SPSB4: variants seen among roughly 807,000 people sequenced by gnomAD.
SPSB4 encodes the protein splA/ryanodine receptor domain and SOCS box containing 4.
Under a neutral mutation model 20.9 loss-of-function variants are expected in SPSB4, and 21 were observed. The observed-to-expected ratio is 1.01, with a 90% confidence interval of 0.71 to 1.45. The LOEUF (loss-of-function observed/expected upper bound fraction) is 1.45, where lower values mean the gene tolerates loss of function less well. SPSB4 is among the 40% of genes most tolerant of loss of function. The pLI is 0.00. For missense variants in SPSB4, 399 were observed against 399.2 expected (o/e 1.00, Z 0.00); for synonymous variants, 207 against 183.8 (o/e 1.13, Z -1.02).
In SPSB4 at chr3:141,051,420, AGGC is replaced by A; in HGVS notation, c.-716_-714del. 6 of 155,476 alleles carry A rather than the reference AGGC, an allele frequency of 3.9e-5. No homozygotes were observed. The highest frequency in any genetic ancestry group is 7.1e-5 in the Non-Finnish European group (5 of 70,846). 9.6% of individuals were successfully genotyped at this position (155,476 alleles called of 1,614,324 possible). ...CGGGCGGCGGCGGCGGAGGAGGGGG[AGGC>A]GGCGGCGGCTGCAGCATCCAGAGCT... On this transcript the variant is annotated 5_prime_UTR_variant, in exon 1 of 3. Transcript: ENST00000310546.
intron 2 of SPSB4, among the ~76,000 whole-genome samples, chr3:141,126,823 T>C (rs1939056439): frequency 6.6e-6 from 1 of 152,196 alleles, no homozygotes; most frequent in African/African-American, 2.4e-5. Flanking sequence ...GATAGATTAG[T>C]AGTGGATCTG....
At chr3:141,145,681 G>T (rs1330407996) in intron 2 of SPSB4, among the ~76,000 whole-genome samples, 1 of 152,070 alleles carries the variant, frequency 6.6e-6, no homozygotes, top group Non-Finnish European at 1.5e-5. Flanking sequence ...TAAGATGCAG[G>T]TTCAGGCTTC....
chr3:141,099,971 T>G (rs1938591987), intron 2 of SPSB4, among the ~76,000 whole-genome samples: 1 of 152,188 alleles, frequency 6.6e-6, no homozygotes, highest in Non-Finnish European at 1.5e-5. Context: ...AGCCACAGTT[T>G]TGTGATAGTG....
chr3:141,113,581 A>G (rs1445953919), intron 2 of SPSB4, among the ~76,000 whole-genome samples: 2 of 152,246 alleles, frequency 1.3e-5, no homozygotes, highest in Non-Finnish European at 2.9e-5. Context: ...ATAATATTCC[A>G]TATTCATATT....
chr3:141,074,738 C>G (rs1938072105), intron 2 of SPSB4, among the ~76,000 whole-genome samples: 2 of 152,350 alleles, frequency 1.3e-5, no homozygotes, highest in East Asian at 1.9e-4. Context: ...TGTGTGCAGG[C>G]AGACATTCAG....
chr3:141,087,083 A>C (rs1372058565), intron 2 of SPSB4, among the ~76,000 whole-genome samples: 1 of 152,210 alleles, frequency 6.6e-6, no homozygotes, highest in Non-Finnish European at 1.5e-5. Context: ...CACAGCACAG[A>C]GGACTAGGGC....
chr3:141,110,805 G>A (rs948025956), intron 2 of SPSB4, among the ~76,000 whole-genome samples: 1 of 152,226 alleles, frequency 6.6e-6, no homozygotes, highest in Admixed American at 6.5e-5. Context: ...GAGTAGGGAA[G>A]GATAAGCTGA....
At chr3:141,128,551 C>T (rs1939085670) in intron 2 of SPSB4, among the ~76,000 whole-genome samples, 1 of 152,124 alleles carries the variant, frequency 6.6e-6, no homozygotes, top group Admixed American at 6.5e-5. Context: ...GCCTCCAGGC[C>T]TGAGTGAGCA....
intron 2 of SPSB4, among the ~76,000 whole-genome samples, chr3:141,089,897 C>CT (rs1477800304): frequency 3.3e-5 from 5 of 152,204 alleles, no homozygotes; most frequent in East Asian, 1.9e-4. Flanking sequence ...TTTAGAATTG[C>CT]TTTTTTTGTT....
intron 2 of SPSB4, among the ~76,000 whole-genome samples, chr3:141,136,891 C>A (rs1939238602): frequency 1.3e-5 from 2 of 152,240 alleles, no homozygotes; most frequent in South Asian, 4.2e-4. Context: ...TCATTGGTAG[C>A]TTGATGGGGA....
intron 2 of SPSB4, among the ~76,000 whole-genome samples, chr3:141,116,166 T>C (rs752787893): frequency 6.6e-6 from 1 of 152,146 alleles, no homozygotes; most frequent in Non-Finnish European, 1.5e-5. Context: ...TCAGTGGTTG[T>C]GAGGAGCACA....
intron 1 of SPSB4, among the ~76,000 whole-genome samples, chr3:141,064,801 G>A (rs902401707): frequency 7.9e-5 from 12 of 152,214 alleles, no homozygotes; most frequent in African/African-American, 1.9e-4. Context: ...CCCAGGGCCC[G>A]TCCAAGTAGT....
chr3:141,069,502 C>T (rs1937953402), intron 2 of SPSB4, among the ~76,000 whole-genome samples: 2 of 152,170 alleles, frequency 1.3e-5, no homozygotes, highest in Admixed American at 1.3e-4. Context: ...CAAACTCAGA[C>T]TTGATTGGTG....
chr3:141,129,659 GC>G (rs1196197401), intron 2 of SPSB4, among the ~76,000 whole-genome samples: 2 of 152,176 alleles, frequency 1.3e-5, no homozygotes, highest in African/African-American at 4.8e-5. Flanking sequence ...CAGTGTGTGG[GC>G]CCAGGCTGCC....
rs566762710 is a variant in SPSB4 at position 141,147,610 on chromosome 3, A to G, written c.*341A>G. The stretch of plus-strand genomic sequence containing the variant: ...TGTTTCCTTATTCAAGAGAATGAAT[A>G]AAACATTTAGGCAGGAGACTTTCTA... On this transcript the variant is annotated 3_prime_UTR_variant, in exon 3 of 3. Coordinates refer to ENST00000310546, the MANE Select transcript of SPSB4 (RefSeq NM_080862.3). 21 of 227,626 alleles carry G rather than the reference A, an allele frequency of 9.2e-5. No homozygotes were observed. In the East Asian group the frequency reaches 1.6e-3, roughly 18 times the overall value. The allele number at this position is 227,626 out of a possible 1,614,324, so 14.1% of individuals were successfully genotyped here.
intron 2 of SPSB4, chr3:141,077,497 G>A (rs909447120): frequency 4.6e-5 from 7 of 152,378 alleles, no homozygotes; most frequent in Non-Finnish European, 8.8e-5. Flanking sequence ...CTTCTGAGTC[G>A]ATCCAGGGAG....
chr3:141,123,583 A>G (rs955023238), intron 2 of SPSB4, among the ~76,000 whole-genome samples: 1 of 152,202 alleles, frequency 6.6e-6, no homozygotes, highest in African/African-American at 2.4e-5. Flanking sequence ...TTAGAAGGAG[A>G]TGCCACGGGG....
chr3:141,110,786 AC>A (rs1938784151), intron 2 of SPSB4, among the ~76,000 whole-genome samples: 2 of 152,202 alleles, frequency 1.3e-5, no homozygotes. Context: ...GCCACACCTA[AC>A]TTCAAGTGAG....
In SPSB4 at chr3:141,066,592, C is replaced by T. The variant is rs2107779307; in HGVS notation, c.488C>T (p.Ala163Val). ...AACCAGCCCGGCGTGGCCTACCCGG[C>T]CTTTCTGGGGCCCGACGAGGCCTTT... ...GKNQPGVAYPAFLGPDEAFAL... is the reference protein window; with the variant it reads ...GKNQPGVAYPVFLGPDEAFAL... The change falls in exon 2 of 3, where the codon GCC (alanine) becomes GTC (valine). Residue 163 changes from alanine (A) to valine (V), a missense_variant. Coordinates refer to ENST00000310546, the MANE Select transcript of SPSB4 (RefSeq NM_080862.3). The T allele has an allele frequency of 1.3e-6, 2 of 1,572,480 alleles. No individual in the cohort carries two copies. Among genetic ancestry groups the T allele is most frequent in the Non-Finnish European group, 1.7e-6 (2 of 1,159,488 alleles).
Sources: gnomAD v4.1 joint callset for allele counts (sites outside exome capture counted in the v4.1 genomes callset) on GRCh38, gnomAD v4.1.1 for gene constraint, MANE v1.5 for transcripts, NCBI Gene and HGNC (gene_info 2026-07-23, HGNC 2026-07-21) for gene names.